DAB1: variants seen among roughly 807,000 people sequenced by gnomAD.
DAB1 encodes DAB adaptor protein 1.
A neutral mutation model predicts 64.6 loss-of-function variants in DAB1; 15 were observed. That is an observed-to-expected ratio of 0.23 (90% CI 0.16 to 0.36). The LOEUF (loss-of-function observed/expected upper bound fraction) is 0.36. Among genes scored for constraint, DAB1 ranks in the 10% least tolerant of loss-of-function variants. The pLI, the probability that DAB1 is intolerant of heterozygous loss-of-function variation, is 1.00. For missense variants in DAB1, 596 were observed against 706.7 expected, an observed-to-expected ratio of 0.84 and a Z score of 1.78; for synonymous variants, 235 against 251.9, an observed-to-expected ratio of 0.93 and a Z score of 0.64.
chr1:57,688,479 A>C (rs1451534611), intron 6 of DAB1, among the ~76,000 whole-genome samples: 1 of 152,228 alleles, frequency 6.6e-6, no homozygotes, highest in African/African-American at 2.4e-5. Flanking sequence ...AATGTAAATT[A>C]GTTCAGCCAC....
chr1:57,706,149 C>T (rs1646964114), intron 6 of DAB1, among the ~76,000 whole-genome samples: 1 of 152,110 alleles, frequency 6.6e-6, no homozygotes, highest in Admixed American at 6.5e-5. Context: ...TTTTACAACA[C>T]ATAGTACTTA....
chr1:57,208,539 C>G (rs140885424), intron 2 of DAB1, among the ~76,000 whole-genome samples: 2 of 152,178 alleles, frequency 1.3e-5, no homozygotes, highest in African/African-American at 4.8e-5. Flanking sequence ...TCTCCTTAGG[C>G]GTATATGTAG....
At chr1:58,497,738 T>C (rs1261368901) in intron 3 of DAB1, among the ~76,000 whole-genome samples, 2 of 152,180 alleles carry the variant, frequency 1.3e-5, no homozygotes, top group African/African-American at 4.8e-5. Flanking sequence ...GAAACTCTTA[T>C]CAACAAAGAA....
intron 10 of DAB1, among the ~76,000 whole-genome samples, chr1:57,025,318 C>A (rs1193352063): frequency 6.6e-6 from 1 of 152,192 alleles, no homozygotes; most frequent in East Asian, 1.9e-4. Context: ...GTTCTCCCTG[C>A]AATCTCTGTC....
chr1:58,334,589 C>A (rs944232719), intron 4 of DAB1, among the ~76,000 whole-genome samples: 1 of 146,602 alleles, frequency 6.8e-6, no homozygotes, highest in Non-Finnish European at 1.5e-5. Flanking sequence ...AGCTATTTAT[C>A]TTATATTATA....
At chr1:57,838,143 G>GAGC (rs1652893848) in intron 1 of DAB1, among the ~76,000 whole-genome samples, 1 of 152,024 alleles carries the variant, frequency 6.6e-6, no homozygotes, top group Admixed American at 6.6e-5. Context: ...CTATCACTTG[G>GAGC]AGCTCTCTGA....
intron 6 of DAB1, among the ~76,000 whole-genome samples, chr1:57,810,414 G>T (rs1651564753): frequency 6.6e-6 from 1 of 152,146 alleles, no homozygotes; most frequent in Non-Finnish European, 1.5e-5. Context: ...GAACAAATTA[G>T]GAAGTGTGCA....
chr1:57,082,575 C>A (rs1484304737), intron 4 of DAB1, among the ~76,000 whole-genome samples: 2 of 152,120 alleles, frequency 1.3e-5, no homozygotes, highest in Non-Finnish European at 2.9e-5. Flanking sequence ...GCAGGACATG[C>A]AGGTTTGTTG....
chr1:58,429,319 G>T (rs1480024539), intron 3 of DAB1, among the ~76,000 whole-genome samples: 2 of 152,222 alleles, frequency 1.3e-5, no homozygotes, highest in East Asian at 3.8e-4. Context: ...TATAAGACTG[G>T]ATGAGAACAT....
intron 6 of DAB1, among the ~76,000 whole-genome samples, chr1:57,707,734 T>C (rs574320123): frequency 6.6e-6 from 1 of 152,318 alleles, no homozygotes; most frequent in South Asian, 2.1e-4. Flanking sequence ...ACAGGACTTA[T>C]TTGTACTCAT....
chr1:57,277,323 C>G (rs1671544076), intron 2 of DAB1, among the ~76,000 whole-genome samples: 1 of 152,176 alleles, frequency 6.6e-6, no homozygotes, highest in Non-Finnish European at 1.5e-5. Context: ...TGAAAATAAA[C>G]TGAGAGTAAT....
chr1:58,512,932 G>C (rs537247140), intron 2 of DAB1, among the ~76,000 whole-genome samples: 41 of 152,210 alleles, frequency 2.7e-4, no homozygotes, highest in Admixed American at 6.5e-4. Flanking sequence ...AGTAACGATA[G>C]ACCAAAATAA....
At chr1:57,978,068 T>A (rs1243158304) in intron 5 of DAB1, among the ~76,000 whole-genome samples, 2 of 152,142 alleles carry the variant, frequency 1.3e-5, no homozygotes, top group Non-Finnish European at 2.9e-5. Context: ...AAAATTACTT[T>A]AAAGTTCATA....
chr1:57,458,202 A>G (rs1184816260), intron 7 of DAB1, among the ~76,000 whole-genome samples: 1 of 152,092 alleles, frequency 6.6e-6, no homozygotes. Flanking sequence ...TTTTTCCTCA[A>G]TGTGTCATGA....
At chr1:57,732,995 T>C (rs1328637903) in intron 6 of DAB1, among the ~76,000 whole-genome samples, 1 of 152,170 alleles carries the variant, frequency 6.6e-6, no homozygotes, top group African/African-American at 2.4e-5. Context: ...TGTAGACAGT[T>C]CTGTAGAGAG....
chr1:57,156,784 A>G (rs1274059083), intron 2 of DAB1, among the ~76,000 whole-genome samples: 1 of 152,180 alleles, frequency 6.6e-6, no homozygotes, highest in Non-Finnish European at 1.5e-5. Flanking sequence ...ATCATCTCCT[A>G]ACCGGGGGAA....
At chr1:57,968,325 G>A (rs1645718088) in intron 5 of DAB1, among the ~76,000 whole-genome samples, 1 of 152,120 alleles carries the variant, frequency 6.6e-6, no homozygotes, top group Non-Finnish European at 1.5e-5. Flanking sequence ...TTAATTAGCT[G>A]TGAACCGCAG....
In DAB1 at chr1:58,121,629, T is replaced by G. The variant is rs375654614; in HGVS notation, n.387+28882A>C. Among the ~76,000 whole-genome samples the G allele has an allele frequency of 3.9e-5, 6 of 152,160 alleles. No homozygotes were observed. The South Asian group carries it at 6.2e-4, about 16-fold the overall frequency. On this transcript the variant is annotated intron_variant and non_coding_transcript_variant, in intron 5 of 20. Coordinates refer to the DAB1 transcript ENST00000485760. The stretch of plus-strand genomic sequence containing the variant: ...CACCAGGACATCCTGTCATGAATGA[T>G]AGCCAATACTTCATGTCTGCCTGCC...
intron 1 of DAB1, among the ~76,000 whole-genome samples, chr1:57,853,546 G>A (rs1653624793): frequency 6.6e-6 from 1 of 152,028 alleles, no homozygotes; most frequent in Non-Finnish European, 1.5e-5. Flanking sequence ...GCTTTAGGCA[G>A]GACCCAGAAT....
Sources: gnomAD v4.1 joint callset for allele counts (sites outside exome capture counted in the v4.1 genomes callset) on GRCh38, gnomAD v4.1.1 for gene constraint, MANE v1.5 for transcripts, NCBI Gene and HGNC (gene_info 2026-07-23, HGNC 2026-07-21) for gene names.